NDRG4: variants seen among roughly 807,000 people sequenced by gnomAD.
NDRG4 encodes NDRG family member 4, also known as protein NDRG4.
NDRG4 carries 38 observed loss-of-function variants against 55.8 expected under a neutral mutation model. The ratio of observed to expected loss-of-function variants is 0.68; its 90% CI spans 0.53 to 0.89. NDRG4 has a LOEUF of 0.89. Ranked by LOEUF, NDRG4 falls within the 40% of genes least tolerant of loss-of-function variation. The pLI, the probability that NDRG4 is intolerant of heterozygous loss-of-function variation, is 0.00. For synonymous variants in NDRG4, 190 were observed against 182.7 expected (o/e 1.04, Z -0.32); for missense variants, 455 against 468.6 (o/e 0.97, Z 0.27).
chr16:58,481,363 G>C (rs1597122104), intron 1 of NDRG4, among the ~76,000 whole-genome samples: 2 of 152,318 alleles, frequency 1.3e-5, no homozygotes, highest in South Asian at 4.1e-4. Flanking sequence ...CCATGGGGAG[G>C]ATGCGCCTAC....
chr16:58,498,277 G>A (rs971008041), upstream of NDRG4, among the ~76,000 whole-genome samples: 3 of 152,168 alleles, frequency 2.0e-5, no homozygotes, highest in East Asian at 5.8e-4. Context: ...TGGCCAGGAG[G>A]TGACGGGCCA....
intron 13 of NDRG4, among the ~76,000 whole-genome samples, chr16:58,510,213 GCA>G (rs1298368364): frequency 6.6e-6 from 1 of 152,248 alleles, no homozygotes; most frequent in Non-Finnish European, 1.5e-5. Context: ...CTCCGCAGGA[GCA>G]CAGAGTCTGG....
intron 1 of NDRG4, 78 bp downstream of exon 1, chr16:58,500,347 C>T: frequency 6.7e-6 from 10 of 1,495,568 alleles, no homozygotes; most frequent in East Asian, 2.5e-5. Flanking sequence ...GGAGGAAGTG[C>T]CCCCCTCAAC....
chr16:58,498,551 A>G (rs2036667025), upstream of NDRG4, among the ~76,000 whole-genome samples: 1 of 152,164 alleles, frequency 6.6e-6, no homozygotes, highest in Admixed American at 6.5e-5. Context: ...CTTCAGCAAG[A>G]CAGGGAGAGG....
At chr16:58,505,385 A>G (rs2037785223) in intron 5 of NDRG4, among the ~76,000 whole-genome samples, 1 of 150,050 alleles carries the variant, frequency 6.7e-6, no homozygotes, top group South Asian at 2.1e-4. Flanking sequence ...ATTGTTGGGT[A>G]GGAATTCACA....
upstream of NDRG4, among the ~76,000 whole-genome samples, chr16:58,498,386 C>A (rs1038867385): frequency 6.6e-6 from 1 of 152,120 alleles, no homozygotes; most frequent in African/African-American, 2.4e-5. Context: ...GGAATAGGTG[C>A]CCCCAGGCAG....
At position 58,464,451 on chromosome 16, in the gene NDRG4, G is replaced by A; in HGVS notation, c.-24+654G>A. 1 of 1,349,020 alleles carries A rather than the reference G, an allele frequency of 7.4e-7. No individual in the cohort carries two copies. The allele number at this position is 1,349,020 out of a possible 1,614,324, so 83.6% of individuals were successfully genotyped here. A position where few individuals can be genotyped will look rare whatever the true frequency, so the allele number is the denominator to read the frequency against. The stretch of plus-strand genomic sequence containing the variant: ...CCGAGATGAAGGTGCTGGGACACCG[G>A]CTGGAGCTGCTCACAGGTACCGCCC... On this transcript the variant is annotated intron_variant, in intron 1 of 15. Coordinates refer to the NDRG4 transcript ENST00000258187. This position sits in a 1 kb window ranked among gnomAD's most constrained non-coding sequence, Gnocchi z 4.8.
chr16:58,510,360 C>T (rs997503711), intron 13 of NDRG4, among the ~76,000 whole-genome samples: 3 of 152,224 alleles, frequency 2.0e-5, no homozygotes, highest in Non-Finnish European at 4.4e-5. Context: ...GCAGGCCTCC[C>T]CCATTCTGTA....
chr16:58,506,320 T>A, intron 5 of NDRG4, 67 bp from the exon 6 acceptor site: 1 of 1,486,518 alleles, frequency 6.7e-7, no homozygotes, highest in Non-Finnish European at 9.4e-7. Flanking sequence ...TTGAAGACTT[T>A]ACAGAGTGTT....
chr16:58,481,298 G>T (rs901333380), intron 1 of NDRG4, among the ~76,000 whole-genome samples: 1 of 152,176 alleles, frequency 6.6e-6, no homozygotes, highest in Admixed American at 6.5e-5. Flanking sequence ...GTAGGGATAT[G>T]ATGGGGAAAG....
In NDRG4 at chr16:58,505,761, G is replaced by A. The variant is rs562718689; in HGVS notation, c.373-626G>A. On this transcript the variant is annotated intron_variant, in intron 5 of 14. Transcript: ENST00000570248. The stretch of plus-strand genomic sequence containing the variant: ...TTTTGAGATGGAGTCTTGCTCTGTC[G>A]TCCAGGCTGGAGTGCAGTGGCATGA... Among the ~76,000 whole-genome samples the A allele has an allele frequency of 6.5e-5, 7 of 107,172 alleles. No homozygotes were observed. The South Asian group carries it at 1.2e-3, about 19-fold the overall frequency. The allele number at this position is 107,172 out of a possible 152,430, so 70.3% of individuals were successfully genotyped here. A position where few individuals can be genotyped will look rare whatever the true frequency, so the allele number is the denominator to read the frequency against.
At chr16:58,499,393 G>A (rs2036786000), upstream of NDRG4, 1 of 152,376 alleles carries the variant, frequency 6.6e-6, no homozygotes, top group Non-Finnish European at 1.5e-5. Flanking sequence ...GGAGGGCAGA[G>A]CTGGTGTGTG....
chr16:58,498,120 G>C (rs967339201), upstream of NDRG4, among the ~76,000 whole-genome samples: 1 of 152,128 alleles, frequency 6.6e-6, no homozygotes, highest in South Asian at 2.1e-4. Context: ...GGTGGGGAGA[G>C]GCCACTCAGG....
exon 2 of NDRG4, chr16:58,487,770 G>C: frequency 4.5e-6 from 7 of 1,542,956 alleles, no homozygotes; most frequent in Non-Finnish European, 5.2e-6. Context: ...CCTGCTCCAC[G>C]ACGTGACCAT....
chr16:58,504,136 G>A lies in NDRG4; in HGVS notation c.128-18G>A, dbSNP rs1567340245. ...CCCGGCCCCTCTGCTCAGCCATAGT[G>A]GAAGTGTGTCTTTGCAGACAAACTA... On this transcript the variant is annotated intron_variant, in intron 2 of 14. Transcript: ENST00000570248. 1.2e-6 allele frequency: 2 copies of A among 1,613,926 alleles called. No homozygotes were observed. The highest frequency in any genetic ancestry group is 2.7e-5 in the African/African-American group (2 of 75,066).
At position 58,500,529 on chromosome 16, in the gene NDRG4, CAT is replaced by C. The variant is rs2036948977; in HGVS notation, c.21+263_21+264del. 17 of 557,174 alleles carry C rather than the reference CAT, an allele frequency of 3.1e-5. No individual in the cohort carries two copies. The South Asian group carries it at 3.6e-4, about 12-fold the overall frequency. The allele number at this position is 557,174 out of a possible 1,614,324, so 34.5% of individuals were successfully genotyped here. A position where few individuals can be genotyped will look rare whatever the true frequency, so the allele number is the denominator to read the frequency against. ...GAGCGTGTGGTTGGGGGGTGGGTGA[CAT>C]ATCTGCAGGAAATGGAACGTGGAAG... is the stretch of plus-strand genomic sequence containing the variant. On this transcript the variant is annotated intron_variant, in intron 1 of 14. Coordinates refer to ENST00000570248, the MANE Select transcript of NDRG4 (RefSeq NM_001242835.2).
In NDRG4 at chr16:58,491,353, C is replaced by G. The variant is rs369697110; in HGVS notation, c.72+3503C>G. On this transcript the variant is annotated intron_variant, in intron 2 of 15. Transcript: ENST00000258187. ...CGTGGCACCCCATGCAGTCCTACCCCCTCTCTCTGTCTTCAAGAGCTAGTC... is the reference window on the plus strand; with the variant it reads ...CGTGGCACCCCATGCAGTCCTACCCGCTCTCTCTGTCTTCAAGAGCTAGTC... 7.9e-5 allele frequency among the ~76,000 whole-genome samples: 12 copies of G among 152,298 alleles called. 1 individual carries two copies. The highest frequency in any genetic ancestry group is 5.2e-4 in the Admixed American group (8 of 15,298).
In NDRG4 at chr16:58,513,356, C is replaced by G. The variant is rs767594724; in HGVS notation, c.*1780C>G. 6.6e-6 allele frequency: 1 copy of G among 152,188 alleles called. No individual in the cohort carries two copies. The highest frequency in any genetic ancestry group is 2.4e-5 in the African/African-American group (1 of 41,424). 9.4% of individuals were successfully genotyped at this position (152,188 alleles called of 1,614,324 possible). ...TGAGATGATAAAATGTAAAACAAAA[C>G]TCTAGTCAACGTAGAAAGAGTTAAC... On this transcript the variant is annotated 3_prime_UTR_variant, in exon 15 of 15. Coordinates refer to ENST00000570248, the MANE Select transcript of NDRG4 (RefSeq NM_001242835.2).
At chr16:58,500,008 C>A, upstream of NDRG4, 1 of 1,135,560 alleles carries the variant, frequency 8.8e-7, no homozygotes, top group South Asian at 1.6e-5. Flanking sequence ...TGGAGCCAGG[C>A]TTGTCTCCCA....
Sources: allele counts gnomAD v4.1 joint callset (sites outside exome capture counted in the v4.1 genomes callset), GRCh38; gene constraint gnomAD v4.1.1; non-coding constraint Gnocchi (gnomAD v3.1); transcripts MANE v1.5; gene names NCBI Gene and HGNC (gene_info 2026-07-23, HGNC 2026-07-21).